ADGRL3: variants seen among roughly 807,000 people sequenced by gnomAD.
The protein encoded by ADGRL3 is calcium-independent alpha-latrotoxin receptor 3.
In ADGRL3, 62 loss-of-function variants were observed where a neutral mutation model predicts 153.5. The observed-to-expected ratio is 0.40, with a 90% CI of 0.33 to 0.50. The LOEUF (loss-of-function observed/expected upper bound fraction) is 0.50, where lower values mean the gene tolerates loss of function less well. Among genes scored for constraint, ADGRL3 ranks in the 20% least tolerant of loss-of-function variants. The pLI, the probability that ADGRL3 is intolerant of heterozygous loss-of-function variation, is 0.47. For missense variants in ADGRL3, 1,641 were observed against 1,859.4 expected (o/e 0.88, Z 2.16); for synonymous variants, 710 against 672.5 (o/e 1.06, Z -0.86).
intron 1 of ADGRL3, among the ~76,000 whole-genome samples, chr4:61,319,592 G>C (rs1181260930): frequency 6.6e-6 from 1 of 152,054 alleles, no homozygotes; most frequent in Non-Finnish European, 1.5e-5. Context: ...TAGATCGAAG[G>C]CCCAACTTAC....
chr4:61,569,267 A>G (rs2098828868), intron 4 of ADGRL3, among the ~76,000 whole-genome samples: 1 of 152,118 alleles, frequency 6.6e-6, no homozygotes, highest in African/African-American at 2.4e-5. Context: ...CAATTTATTT[A>G]TATGTAATTC....
intron 5 of ADGRL3, among the ~76,000 whole-genome samples, chr4:61,667,781 G>A (rs1325664110): frequency 6.6e-6 from 1 of 152,110 alleles, no homozygotes; most frequent in Non-Finnish European, 1.5e-5. Context: ...CCAAATTAAA[G>A]TCAAAACATT....
At chr4:61,674,835 G>A (rs572450694) in intron 5 of ADGRL3, among the ~76,000 whole-genome samples, 21 of 151,924 alleles carry the variant, frequency 1.4e-4, no homozygotes, top group Admixed American at 1.1e-3. Context: ...TTTGTAATAC[G>A]AAAGATCTAC....
chr4:61,898,025 A>G (rs1387259747), intron 11 of ADGRL3, among the ~76,000 whole-genome samples: 1 of 152,096 alleles, frequency 6.6e-6, no homozygotes, highest in Non-Finnish European at 1.5e-5. Context: ...GCTTAGCCCC[A>G]GGTGGCCTTT....
intron 8 of ADGRL3, among the ~76,000 whole-genome samples, chr4:61,746,760 G>T (rs1301638471): frequency 5.3e-4 from 81 of 152,306 alleles, no homozygotes; most frequent in African/African-American, 1.8e-3. Context: ...AAGCAGGAAA[G>T]ATCCAAAATT....
intron 1 of ADGRL3, among the ~76,000 whole-genome samples, chr4:61,267,707 C>T (rs983608948): frequency 6.6e-6 from 1 of 151,610 alleles, no homozygotes; most frequent in African/African-American, 2.4e-5. Context: ...CATGTACTGG[C>T]ATACAAAAAC....
At chr4:61,517,898 A>G (rs982445074) in intron 4 of ADGRL3, among the ~76,000 whole-genome samples, 1 of 152,168 alleles carries the variant, frequency 6.6e-6, no homozygotes, top group Non-Finnish European at 1.5e-5. Context: ...ATTTTCACCA[A>G]TGGAAACTAT....
chr4:61,931,645 T>C (rs2098818007), intron 13 of ADGRL3, among the ~76,000 whole-genome samples: 1 of 152,154 alleles, frequency 6.6e-6, no homozygotes, highest in African/African-American at 2.4e-5. Context: ...TAAGCAACTG[T>C]GAACAGGTGC....
intron 19 of ADGRL3, among the ~76,000 whole-genome samples, chr4:61,992,698 T>C (rs1560477696): frequency 6.6e-6 from 1 of 152,198 alleles, no homozygotes; most frequent in Non-Finnish European, 1.5e-5. Flanking sequence ...TGTAAATCCA[T>C]TTTACCAAAT....
chr4:61,467,628 A>G (rs2097901684), intron 2 of ADGRL3, among the ~76,000 whole-genome samples: 1 of 152,116 alleles, frequency 6.6e-6, no homozygotes, highest in African/African-American at 2.4e-5. Context: ...TCTGAAGTGG[A>G]TATGATCTCT....
chr4:62,067,192 T>C (rs968202749), intron 25 of ADGRL3, among the ~76,000 whole-genome samples: 4 of 152,110 alleles, frequency 2.6e-5, no homozygotes, highest in Non-Finnish European at 5.9e-5. Flanking sequence ...CAAAACTGTC[T>C]CTTTAAACTG....
At chr4:61,759,920 G>A (rs1333008941) in intron 8 of ADGRL3, among the ~76,000 whole-genome samples, 6 of 152,190 alleles carry the variant, frequency 3.9e-5, no homozygotes, top group Admixed American at 3.9e-4. Context: ...GTCTGTTGGA[G>A]TTTGCCGGAG....
intron 4 of ADGRL3, among the ~76,000 whole-genome samples, chr4:61,582,639 C>A (rs1180029396): frequency 2.7e-5 from 4 of 149,398 alleles, no homozygotes; most frequent in African/African-American, 7.5e-5. Context: ...TAGAGCAATG[C>A]ATGAAAAAAA....
intron 3 of ADGRL3, among the ~76,000 whole-genome samples, chr4:61,511,861 A>T (rs1200303073): frequency 6.6e-6 from 1 of 152,172 alleles, no homozygotes; most frequent in Non-Finnish European, 1.5e-5. Context: ...TGGCATCTTT[A>T]CTCAGGTGCT....
At chr4:61,824,945 C>T (rs2148783423) in intron 9 of ADGRL3, among the ~76,000 whole-genome samples, 1 of 152,156 alleles carries the variant, frequency 6.6e-6, no homozygotes, top group East Asian at 1.9e-4. Flanking sequence ...CATACAACAT[C>T]AGCCTACATA....
intron 11 of ADGRL3, among the ~76,000 whole-genome samples, chr4:61,899,305 C>G (rs1026419430): frequency 6.6e-6 from 1 of 152,076 alleles, no homozygotes; most frequent in African/African-American, 2.4e-5. Context: ...TTTTCTCACA[C>G]CCTTCTGCTC....
intron 2 of ADGRL3, among the ~76,000 whole-genome samples, chr4:61,402,536 C>T (rs1489812112): frequency 6.6e-6 from 1 of 152,084 alleles, no homozygotes; most frequent in Non-Finnish European, 1.5e-5. Context: ...TTGGAGCATA[C>T]ATATCTCCTA....
intron 3 of ADGRL3, among the ~76,000 whole-genome samples, chr4:61,513,325 T>TTATGGG (rs1232846486): frequency 8.5e-5 from 13 of 152,182 alleles, no homozygotes; most frequent in Admixed American, 7.2e-4. Flanking sequence ...ATTCTGATAT[T>TTATGGG]TATGGGTATT....
intron 8 of ADGRL3, among the ~76,000 whole-genome samples, chr4:61,746,203 A>G (rs1053804685): frequency 6.6e-6 from 1 of 152,206 alleles, no homozygotes; most frequent in Non-Finnish European, 1.5e-5. Flanking sequence ...CCAGACTCAT[A>G]AAGCAAGTCC....
Sources: allele counts gnomAD v4.1 joint callset (sites outside exome capture counted in the v4.1 genomes callset), GRCh38; gene constraint gnomAD v4.1.1; transcripts MANE v1.5; gene names NCBI Gene and HGNC (gene_info 2026-07-23, HGNC 2026-07-21).